Variants in CNTNAP2 observed in about 807,000 individuals in gnomAD.
CNTNAP2 encodes contactin-associated protein-like 2.
A neutral mutation model predicts 155.2 loss-of-function variants in CNTNAP2; 98 were observed. The observed-to-expected ratio is 0.63, with a 90% confidence interval of 0.54 to 0.75. CNTNAP2 has a LOEUF of 0.75. Ranked by LOEUF, CNTNAP2 falls within the 30% of genes least tolerant of loss-of-function variation. CNTNAP2 has a pLI of 0.00. For synonymous variants in CNTNAP2, 651 were observed against 631.2 expected (o/e 1.03, Z -0.47); for missense variants, 1,727 against 1,688.1 (o/e 1.02, Z -0.40).
intron 18 of CNTNAP2, among the ~76,000 whole-genome samples, chr7:148,212,532 A>G (rs1427467697): frequency 6.6e-6 from 1 of 152,204 alleles, no homozygotes; most frequent in Admixed American, 6.5e-5. Context: ...GTAGTATTAT[A>G]TTGTCTATAT....
intron 1 of CNTNAP2, among the ~76,000 whole-genome samples, chr7:146,713,292 A>G (rs1275998949): frequency 6.6e-6 from 1 of 152,144 alleles, no homozygotes; most frequent in Non-Finnish European, 1.5e-5. Flanking sequence ...AAGCCAAACA[A>G]TCACTGCTTC....
intron 13 of CNTNAP2, among the ~76,000 whole-genome samples, chr7:147,871,335 C>T (rs1177083947): frequency 2.0e-5 from 3 of 152,192 alleles, no homozygotes; most frequent in Non-Finnish European, 4.4e-5. Context: ...GACCTGAAGG[C>T]CACATTCCTT....
chr7:147,685,563 C>T (rs1293858766), intron 13 of CNTNAP2, among the ~76,000 whole-genome samples: 1 of 151,702 alleles, frequency 6.6e-6, no homozygotes, highest in East Asian at 1.9e-4. Context: ...ACTGTGTTTC[C>T]TTCACAGATA....
At chr7:146,724,519 C>T (rs535798503) in intron 1 of CNTNAP2, among the ~76,000 whole-genome samples, 3 of 147,872 alleles carry the variant, frequency 2.0e-5, no homozygotes, top group Non-Finnish European at 4.4e-5. Context: ...AGTTCAGTGC[C>T]TGATGAGCCT....
chr7:148,017,393 C>T (rs1802198888), intron 15 of CNTNAP2, among the ~76,000 whole-genome samples: 1 of 152,108 alleles, frequency 6.6e-6, no homozygotes, highest in Non-Finnish European at 1.5e-5. Context: ...TTTGTGTTTA[C>T]ATGAGACTTG....
intron 1 of CNTNAP2, among the ~76,000 whole-genome samples, chr7:146,758,947 C>T (rs1263557872): frequency 6.6e-6 from 1 of 152,154 alleles, no homozygotes; most frequent in Non-Finnish European, 1.5e-5. Flanking sequence ...GAAGCACTAT[C>T]AATTTGCTAC....
chr7:147,532,091 G>A (rs1584795733), intron 11 of CNTNAP2, among the ~76,000 whole-genome samples: 1 of 152,120 alleles, frequency 6.6e-6, no homozygotes, highest in Non-Finnish European at 1.5e-5. Flanking sequence ...ACAGGCATGA[G>A]CCACCATGCC....
At chr7:147,318,144 AT>A (rs1361093365) in intron 9 of CNTNAP2, among the ~76,000 whole-genome samples, 1 of 152,186 alleles carries the variant, frequency 6.6e-6, no homozygotes, top group African/African-American at 2.4e-5. Flanking sequence ...ATATTTCCAT[AT>A]AAAAATGTAA....
intron 1 of CNTNAP2, among the ~76,000 whole-genome samples, chr7:146,525,458 T>A (rs539151449): frequency 7.9e-5 from 12 of 152,132 alleles, no homozygotes; most frequent in Non-Finnish European, 1.6e-4. Flanking sequence ...GAAATGAGTG[T>A]TTGACTAAAT....
intron 17 of CNTNAP2, among the ~76,000 whole-genome samples, chr7:148,151,123 T>C (rs905923745): frequency 2.0e-5 from 3 of 152,188 alleles, no homozygotes; most frequent in African/African-American, 7.2e-5. Context: ...GTTAACAATA[T>C]GGTCTTTGAC....
intron 3 of CNTNAP2, among the ~76,000 whole-genome samples, chr7:146,850,785 A>C (rs930191372): frequency 2.0e-5 from 3 of 151,098 alleles, no homozygotes; most frequent in East Asian, 3.9e-4. Context: ...AATACAAATA[A>C]AAATAAAAAA....
At chr7:147,276,974 G>T (rs534091767) in intron 8 of CNTNAP2, among the ~76,000 whole-genome samples, 1 of 152,062 alleles carries the variant, frequency 6.6e-6, no homozygotes, top group Non-Finnish European at 1.5e-5. Context: ...GCTGTTAGAC[G>T]TGAAAACCAA....
At chr7:146,923,550 A>G (rs1331173772) in intron 3 of CNTNAP2, among the ~76,000 whole-genome samples, 1 of 152,186 alleles carries the variant, frequency 6.6e-6, no homozygotes, top group Non-Finnish European at 1.5e-5. Context: ...CTTTCTAATG[A>G]AAACTGAGTT....
intron 17 of CNTNAP2, among the ~76,000 whole-genome samples, chr7:148,158,397 A>G (rs562648905): frequency 6.6e-6 from 1 of 151,758 alleles, no homozygotes; most frequent in South Asian, 2.1e-4. Flanking sequence ...TAATTTTTGT[A>G]TTTTTAGTAG....
At chr7:147,525,440 C>T (rs1799301611) in intron 11 of CNTNAP2, among the ~76,000 whole-genome samples, 2 of 152,146 alleles carry the variant, frequency 1.3e-5, no homozygotes, top group Admixed American at 6.5e-5. Context: ...AACCAACACT[C>T]CAAGCCCTTA....
intron 13 of CNTNAP2, among the ~76,000 whole-genome samples, chr7:147,825,439 T>C (rs943213909): frequency 6.6e-6 from 1 of 152,310 alleles, no homozygotes; most frequent in African/African-American, 2.4e-5. Flanking sequence ...TGGGTAGAAC[T>C]CGAAGAAAGT....
At chr7:147,447,346 A>C (rs1216101371) in intron 10 of CNTNAP2, among the ~76,000 whole-genome samples, 1 of 152,210 alleles carries the variant, frequency 6.6e-6, no homozygotes, top group Non-Finnish European at 1.5e-5. Flanking sequence ...TTAGAAAAGA[A>C]GATAGAAAAA....
At chr7:147,612,374 A>G (rs1161796823) in intron 12 of CNTNAP2, among the ~76,000 whole-genome samples, 1 of 151,862 alleles carries the variant, frequency 6.6e-6, no homozygotes, top group Non-Finnish European at 1.5e-5. Flanking sequence ...TTTCAAATAT[A>G]AAATTAAAGC....
At chr7:148,348,781 A>G (rs1186178135) in intron 21 of CNTNAP2, among the ~76,000 whole-genome samples, 2 of 152,266 alleles carry the variant, frequency 1.3e-5, no homozygotes, top group African/African-American at 4.8e-5. Flanking sequence ...CTCAGTATGT[A>G]TGAACAGCTT....
Sources: allele counts gnomAD v4.1 joint callset (sites outside exome capture counted in the v4.1 genomes callset), GRCh38; gene constraint gnomAD v4.1.1; transcripts MANE v1.5; gene names NCBI Gene and HGNC (gene_info 2026-07-23, HGNC 2026-07-21).